Variants in DACH2 observed in about 807,000 individuals in gnomAD.
The protein encoded by DACH2 is dachshund homolog 2.
A neutral mutation model predicts 35.8 loss-of-function variants in DACH2; 17 were observed. That is an observed-to-expected ratio of 0.48 (90% CI 0.33 to 0.71). The LOEUF is 0.71. DACH2 is among the 30% of genes least tolerant of loss of function. DACH2 has a pLI of 0.02. For synonymous variants in DACH2, 195 were observed against 177.3 expected (o/e 1.10, Z -0.79); for missense variants, 469 against 472.7 (o/e 0.99, Z 0.07).
chrX:86,671,666 G>A (rs1346355190), intron 4 of DACH2, among the ~76,000 whole-genome samples: 1 of 111,904 alleles, frequency 8.9e-6, no homozygotes, highest in Non-Finnish European at 1.9e-5. Context: ...GTCTGTGGAA[G>A]TGTGATCTAA....
intron 2 of DACH2, among the ~76,000 whole-genome samples, chrX:86,495,977 A>G (rs1241823015): frequency 1.8e-5 from 2 of 111,412 alleles, no homozygotes; most frequent in Non-Finnish European, 3.8e-5. Context: ...TCCATTTTTT[A>G]GAAAGTGGAA....
At chrX:86,561,930 G>A (rs1443949777) in intron 3 of DACH2, among the ~76,000 whole-genome samples, 1 of 93,751 alleles carries the variant, frequency 1.1e-5, no homozygotes, top group African/African-American at 3.9e-5. Context: ...AGAGAATTCA[G>A]CAAGGATTCA....
intron 2 of DACH2, among the ~76,000 whole-genome samples, chrX:86,431,036 G>A (rs763839524): frequency 1.1e-4 from 12 of 111,842 alleles, no homozygotes; most frequent in South Asian, 3.7e-4. Flanking sequence ...TTGAAGTTTT[G>A]TATTTTATTT....
Position 86,294,884 on chromosome X carries a change from G to T in DACH2, c.489-81940G>T, listed in dbSNP as rs2034408895. On this transcript the variant is annotated intron_variant, in intron 1 of 11. Coordinates refer to ENST00000373125, the MANE Select transcript of DACH2 (RefSeq NM_053281.3). ...TACTGCTGTCTTTTTGTTTGTCTGTGCCCTGCCCCCAGAGGTGGAGCCTAC... is the reference window on the plus strand; with the variant it reads ...TACTGCTGTCTTTTTGTTTGTCTGTTCCCTGCCCCCAGAGGTGGAGCCTAC... Among the ~76,000 whole-genome samples the T allele has an allele frequency of 3.6e-5, 4 of 109,887 alleles. No individual in the cohort carries two copies. The South Asian group carries it at 1.6e-3, about 44-fold the overall frequency.
At chrX:86,295,642 C>G (rs954862353) in intron 1 of DACH2, among the ~76,000 whole-genome samples, 11 of 111,129 alleles carry the variant, frequency 9.9e-5, no homozygotes, top group African/African-American at 3.6e-4. Flanking sequence ...TTTAAATGCT[C>G]TCTCCTTGGT....
At chrX:86,711,846 C>A (rs2041283133) in intron 5 of DACH2, among the ~76,000 whole-genome samples, 1 of 112,103 alleles carries the variant, frequency 8.9e-6, no homozygotes, top group Non-Finnish European at 1.9e-5. Flanking sequence ...GATTTTAAAA[C>A]TGCCAATGGG....
At chrX:86,632,957 T>A (rs1167465462) in intron 3 of DACH2, among the ~76,000 whole-genome samples, 1 of 109,972 alleles carries the variant, frequency 9.1e-6, no homozygotes, top group African/African-American at 3.3e-5. Context: ...GAGAGAAATT[T>A]ATAGAGTTAA....
intron 1 of DACH2, among the ~76,000 whole-genome samples, chrX:86,191,287 C>T (rs1213208537): frequency 1.8e-5 from 2 of 112,095 alleles, no homozygotes; most frequent in Non-Finnish European, 3.8e-5. Context: ...CCATGGAATA[C>T]TACACTGCCA....
At position 86,651,215 on chromosome X, in the gene DACH2, G is replaced by T. The variant is rs574906749; in HGVS notation, c.772+48G>T. 36 of 1,168,463 alleles carry T rather than the reference G, an allele frequency of 3.1e-5. 1 individual carries two copies. The highest frequency in any genetic ancestry group is 2.7e-4 in the African/African-American group (15 of 55,647). On this transcript the variant is annotated intron_variant, in intron 4 of 11. Transcript: ENST00000373125. ...GACCAATGACTCTTACTGTTCTATT[G>T]TGGGGCAGGAGAGAGGTGGGATGAG...
chrX:86,174,840 G>T (rs185168549), intron 1 of DACH2, among the ~76,000 whole-genome samples: 20 of 110,712 alleles, frequency 1.8e-4, no homozygotes, highest in African/African-American at 6.6e-4. Flanking sequence ...ACCATCCCCA[G>T]TTAATTATTT....
intron 3 of DACH2, among the ~76,000 whole-genome samples, chrX:86,590,995 C>G (rs915844468): frequency 9.2e-6 from 1 of 109,279 alleles, no homozygotes; most frequent in Non-Finnish European, 1.9e-5. Context: ...CAACAGTCCC[C>G]GGTGTGTGAT....
chrX:86,752,917 G>C (rs1343934846), intron 7 of DACH2, among the ~76,000 whole-genome samples: 10 of 111,189 alleles, frequency 9.0e-5, no homozygotes, highest in Non-Finnish European at 3.8e-5. Context: ...TATTAGAACA[G>C]TTGTATAAAT....
chrX:86,799,247 C>T, intron 7 of DACH2: 1 of 179,082 alleles, frequency 5.6e-6, no homozygotes, highest in Non-Finnish European at 1.1e-5. Context: ...TGTCTTGTGG[C>T]CACCCCTTCC....
intron 1 of DACH2, among the ~76,000 whole-genome samples, chrX:86,287,081 A>T (rs749618813): frequency 9.0e-6 from 1 of 111,538 alleles, no homozygotes; most frequent in East Asian, 2.8e-4. Context: ...TGTTGATGAT[A>T]TCCCTCAGCT....
At chrX:86,699,080 A>C (rs1051841025) in intron 5 of DACH2, among the ~76,000 whole-genome samples, 20 of 111,907 alleles carry the variant, frequency 1.8e-4, no homozygotes, top group African/African-American at 6.5e-4. Context: ...AGTTACTACT[A>C]GACCTAGGAA....
intron 1 of DACH2, among the ~76,000 whole-genome samples, chrX:86,290,594 T>A (rs1037984612): frequency 2.6e-4 from 28 of 109,436 alleles, no homozygotes; most frequent in African/African-American, 9.1e-4. Context: ...TGAATTGATT[T>A]TTGTATCAGG....
chrX:86,251,500 T>A (rs758702948), intron 1 of DACH2, among the ~76,000 whole-genome samples: 1 of 110,956 alleles, frequency 9.0e-6, no homozygotes, highest in South Asian at 3.8e-4. Context: ...CTCTCACCCT[T>A]TCCCCCGAGT....
At chrX:86,667,624 G>C (rs773413310) in intron 4 of DACH2, among the ~76,000 whole-genome samples, 92 of 109,055 alleles carry the variant, frequency 8.4e-4, no homozygotes, top group African/African-American at 3.0e-3. Context: ...AAGGCAGGCA[G>C]GCCCTGGTCT....
At chrX:86,598,137 T>C (rs1202365610) in intron 3 of DACH2, among the ~76,000 whole-genome samples, 1 of 111,265 alleles carries the variant, frequency 9.0e-6, no homozygotes, top group African/African-American at 3.3e-5. Context: ...ACCAGGTCCC[T>C]CCCACAACAC....
Sources: allele counts gnomAD v4.1 joint callset (sites outside exome capture counted in the v4.1 genomes callset), GRCh38; gene constraint gnomAD v4.1.1; transcripts MANE v1.5; gene names NCBI Gene and HGNC (gene_info 2026-07-23, HGNC 2026-07-21).